Variants in ADARB2 observed in about 807,000 individuals in gnomAD.
ADARB2 encodes the protein inactive double-stranded RNA-specific editase B2.
A neutral mutation model predicts 62.2 loss-of-function variants in ADARB2; 25 were observed. The observed-to-expected ratio is 0.40, with a 90% confidence interval of 0.29 to 0.56. The LOEUF (loss-of-function observed/expected upper bound fraction) is 0.56. ADARB2 is among the 20% of genes least tolerant of loss of function. ADARB2 has a pLI of 0.43. For missense variants in ADARB2, 1,071 were observed against 1,077.4 expected (o/e 0.99, Z 0.08); for synonymous variants, 572 against 500.8 (o/e 1.14, Z -1.90).
At chr10:1,322,304 A>C (rs11250412) in intron 3 of ADARB2, among the ~76,000 whole-genome samples, 2,420 of 152,320 alleles carry the variant, frequency 0.016, 78 homozygotes, top group African/African-American at 0.055. Flanking sequence ...AGGATGGAAG[A>C]AAAAGCCCAG....
rs532880515 is a variant in ADARB2, at chr10:1,664,436, G to T, written c.100+72615C>A. Among the ~76,000 whole-genome samples the T allele has an allele frequency of 5.9e-5, 9 of 152,324 alleles. No homozygotes were observed. In the South Asian group the frequency reaches 1.9e-3, roughly 32 times the overall value. ...GCACTCCCACCAGCAATGAATGAGG[G>T]TTTCTGTTGCTCCACATCCTTCAAA... On this transcript the variant is annotated intron_variant, in intron 1 of 9. Coordinates refer to ENST00000381312, the MANE Select transcript of ADARB2 (RefSeq NM_018702.4).
At chr10:1,636,843 A>G (rs1254481948) in intron 1 of ADARB2, among the ~76,000 whole-genome samples, 4 of 148,324 alleles carry the variant, frequency 2.7e-5, no homozygotes, top group South Asian at 2.1e-4. Context: ...AACATATATC[A>G]CAAATTATAA....
At chr10:1,527,961 T>C (rs894603358) in intron 1 of ADARB2, among the ~76,000 whole-genome samples, 4 of 152,204 alleles carry the variant, frequency 2.6e-5, no homozygotes, top group African/African-American at 9.6e-5. Context: ...CTGAACGTTA[T>C]AAAAATCCTG....
At position 1,306,393 on chromosome 10, in the gene ADARB2, C is replaced by A. The variant is rs1308133491; in HGVS notation, c.1078-35324G>T. On this transcript the variant is annotated intron_variant, in intron 3 of 9. Transcript: ENST00000381312. ...CTTCAAGGAGAACTACAAACCACTG[C>A]TCAAGGAAATGAAAGAGGATACAAA... 5.9e-5 allele frequency among the ~76,000 whole-genome samples: 9 copies of A among 151,756 alleles called. No individual in the cohort carries two copies. In the South Asian group the frequency reaches 6.2e-4, roughly 11 times the overall value.
chr10:1,677,139 G>A (rs1219261002), intron 1 of ADARB2, among the ~76,000 whole-genome samples: 1 of 152,240 alleles, frequency 6.6e-6, no homozygotes, highest in Non-Finnish European at 1.5e-5. Context: ...AAAGGAGCAG[G>A]CTTGGAGTGG....
intron 1 of ADARB2, among the ~76,000 whole-genome samples, chr10:1,435,904 T>A (rs4880850): frequency 0.15 from 22,558 of 152,214 alleles, 1,777 homozygotes; most frequent in East Asian, 0.31. Flanking sequence ...GTAACCTTTA[T>A]GATAAAATTG....
intron 1 of ADARB2, among the ~76,000 whole-genome samples, chr10:1,686,306 C>T (rs377760972): frequency 8.5e-5 from 13 of 152,250 alleles, no homozygotes; most frequent in African/African-American, 3.1e-4. Flanking sequence ...ATGAATGGCT[C>T]GGTCATAAAC....
chr10:1,440,006 G>C (rs1830885026), intron 1 of ADARB2, among the ~76,000 whole-genome samples: 1 of 149,506 alleles, frequency 6.7e-6, no homozygotes, highest in African/African-American at 2.5e-5. Context: ...TCTCCCCCAG[G>C]ACTGAGGCAG....
intron 1 of ADARB2, among the ~76,000 whole-genome samples, chr10:1,517,895 TC>T (rs1035007789): frequency 2.0e-5 from 3 of 152,156 alleles, no homozygotes; most frequent in African/African-American, 7.2e-5. Context: ...AGCCAGCCTT[TC>T]CCCGCAGCTC....
In ADARB2 at chr10:1,278,227, G is replaced by A. The variant is rs186279250; in HGVS notation, c.1078-7158C>T. ...ACTCCTGACCTCAGGTGATCCTCCC[G>A]CCTTGGCCTCCCAAAAGTGCTGGGA... On this transcript the variant is annotated intron_variant, in intron 3 of 9. Coordinates refer to ENST00000381312, the MANE Select transcript of ADARB2 (RefSeq NM_018702.4). 4.7e-4 allele frequency among the ~76,000 whole-genome samples: 71 copies of A among 151,936 alleles called. 4 individuals carry two copies. In the Middle Eastern group the frequency reaches 0.014, roughly 30 times the overall value.
chr10:1,450,756 C>A (rs1286866033), intron 1 of ADARB2, among the ~76,000 whole-genome samples: 2 of 152,168 alleles, frequency 1.3e-5, no homozygotes, highest in Non-Finnish European at 1.5e-5. Context: ...TTGCATGGGG[C>A]CCCTGGGGCT....
intron 3 of ADARB2, among the ~76,000 whole-genome samples, chr10:1,334,886 C>T (rs528521973): frequency 6.6e-6 from 1 of 152,308 alleles, no homozygotes; most frequent in South Asian, 2.1e-4. Flanking sequence ...TCCAGAATGG[C>T]ACCAGAAGAT....
At chr10:1,196,814 C>T (rs1310131047) in intron 8 of ADARB2, among the ~76,000 whole-genome samples, 1 of 152,138 alleles carries the variant, frequency 6.6e-6, no homozygotes, top group Non-Finnish European at 1.5e-5. Flanking sequence ...GTTGGCCAGG[C>T]TGGTCTCAAA....
At chr10:1,555,489 C>T (rs375230785) in intron 1 of ADARB2, among the ~76,000 whole-genome samples, 2 of 152,112 alleles carry the variant, frequency 1.3e-5, no homozygotes, top group African/African-American at 4.8e-5. Context: ...GAACTCATGT[C>T]CTGTGGTTTC....
At chr10:1,701,938 C>CACGCA (rs1834827119) in intron 1 of ADARB2, among the ~76,000 whole-genome samples, 1 of 152,168 alleles carries the variant, frequency 6.6e-6, no homozygotes, top group Non-Finnish European at 1.5e-5. Context: ...CTCGTCAATA[C>CACGCA]ATTCCATGGT....
At chr10:1,516,493 A>ATGCGGGCTGCTCTG (rs527933370) in intron 1 of ADARB2, among the ~76,000 whole-genome samples, 6 of 150,848 alleles carry the variant, frequency 4.0e-5, no homozygotes, top group Non-Finnish European at 8.9e-5. Context: ...GCTCTGTGCT[A>ATGCGGGCTGCTCTG]TGCGGGCTGC....
At chr10:1,364,215 TG>T (rs1160529200) in intron 2 of ADARB2, among the ~76,000 whole-genome samples, 1 of 152,236 alleles carries the variant, frequency 6.6e-6, no homozygotes, top group Non-Finnish European at 1.5e-5. Flanking sequence ...CCCCTGACTT[TG>T]TACAAGTTTT....
intron 1 of ADARB2, among the ~76,000 whole-genome samples, chr10:1,727,185 C>A (rs1835177677): frequency 6.6e-6 from 1 of 152,208 alleles, no homozygotes; most frequent in South Asian, 2.1e-4. Context: ...TGCGGCGAGA[C>A]AATCTCTATG....
intron 1 of ADARB2, among the ~76,000 whole-genome samples, chr10:1,453,517 T>C (rs558165526): frequency 1.3e-5 from 2 of 152,334 alleles, no homozygotes; most frequent in East Asian, 3.9e-4. Flanking sequence ...TTGAGAACAC[T>C]GTCCTCTCTC....
Sources: gnomAD v4.1 joint callset for allele counts (sites outside exome capture counted in the v4.1 genomes callset) on GRCh38, gnomAD v4.1.1 for gene constraint, MANE v1.5 for transcripts, NCBI Gene and HGNC (gene_info 2026-07-23, HGNC 2026-07-21) for gene names.